The following DNAH17 variants were observed in gnomAD, a reference collection of about 807,000 sequenced individuals.
DNAH17 encodes axonemal beta dynein heavy chain 17.
Under a neutral mutation model 485.6 loss-of-function variants are expected in DNAH17, and 376 were observed. The observed-to-expected ratio is 0.77, with a 90% CI of 0.71 to 0.84. The LOEUF is 0.84. Ranked by LOEUF, DNAH17 falls within the 40% of genes least tolerant of loss-of-function variation. DNAH17 has a pLI of 0.00. For missense variants in DNAH17, 6,370 were observed against 5,839.3 expected (o/e 1.09, Z -2.96); for synonymous variants, 3,031 against 2,405.9 (o/e 1.26, Z -7.60).
chr17:78,561,351 C>T (rs62075928), intron 12 of DNAH17, among the ~76,000 whole-genome samples: 19,059 of 151,848 alleles, frequency 0.13, 1,583 homozygotes, highest in South Asian at 0.26. Context: ...CCCCTGCAGC[C>T]GTCCCTGCGT....
chr17:78,455,807 A>G lies in DNAH17; in HGVS notation c.10007T>C (p.Ile3336Thr), dbSNP rs2087769300. The change falls in exon 63 of 81, where the codon ATC becomes ACC. Residue 3336 changes from isoleucine (I) to threonine (T), a missense_variant. Ile to Thr is a moderately conservative substitution (Grantham distance 89, BLOSUM62 -1). Coordinates refer to ENST00000389840, the MANE Select transcript of DNAH17 (RefSeq NM_173628.4). ...GTTCTCCACAGACTCAGCCCAGCGGATGTTTTCCGATGCTAATCCCCCGAC... is the reference window on the plus strand; with the variant it reads ...GTTCTCCACAGACTCAGCCCAGCGGGTGTTTTCCGATGCTAATCCCCCGAC... ...RLVGGLASEN[I>T]RWAESVENFR... 6.2e-7 allele frequency: 1 copy of G among 1,606,270 alleles called. No homozygotes were observed. Among genetic ancestry groups the G allele is most frequent in the Non-Finnish European group, 8.5e-7 (1 of 1,176,644 alleles).
At chr17:78,535,018 AC>A (rs2091336945) in intron 19 of DNAH17, among the ~76,000 whole-genome samples, 1 of 151,888 alleles carries the variant, frequency 6.6e-6, no homozygotes, top group Non-Finnish European at 1.5e-5. Flanking sequence ...ACCAGGTAAG[AC>A]TCTGCTAGAC....
At chr17:78,521,886 C>G (rs565262281) in intron 25 of DNAH17, among the ~76,000 whole-genome samples, 1 of 152,238 alleles carries the variant, frequency 6.6e-6, no homozygotes, top group East Asian at 1.9e-4. Flanking sequence ...GCTCGGGAGG[C>G]TGAGGCGAGA....
intron 75 of DNAH17, among the ~76,000 whole-genome samples, chr17:78,432,716 A>G (rs1165935411): frequency 1.3e-5 from 2 of 152,180 alleles, no homozygotes; most frequent in East Asian, 3.9e-4. Flanking sequence ...TTAGTGGCCC[A>G]GGTCTTGAGC....
intron 25 of DNAH17, chr17:78,522,891 T>C (rs1035248768): frequency 4.8e-5 from 8 of 165,054 alleles, no homozygotes; most frequent in African/African-American, 1.4e-4. Flanking sequence ...TTCACTCTTA[T>C]AGCCCAGGCT....
At chr17:78,497,484 A>T (rs572752247) in intron 37 of DNAH17, among the ~76,000 whole-genome samples, 2 of 152,250 alleles carry the variant, frequency 1.3e-5, no homozygotes, top group African/African-American at 4.8e-5. Flanking sequence ...TCTCCATTGG[A>T]GCCCGTGAAC....
intron 74 of DNAH17, among the ~76,000 whole-genome samples, chr17:78,437,350 C>A (rs1274018725): frequency 1.3e-5 from 2 of 152,236 alleles, no homozygotes; most frequent in East Asian, 1.9e-4. Context: ...ACACAATGGA[C>A]AGCATCTACC....
At chr17:78,458,854 G>GGCCCCT (rs2087940672) in intron 61 of DNAH17, 147 bp downstream of exon 61, 1 of 1,068,964 alleles carries the variant, frequency 9.4e-7, no homozygotes, top group African/African-American at 1.6e-5. Context: ...GGCACCATCT[G>GGCCCCT]GCCCCTGCCT....
At chr17:78,566,112 G>A (rs549078852) in intron 11 of DNAH17, among the ~76,000 whole-genome samples, 139 of 152,182 alleles carry the variant, frequency 9.1e-4, no homozygotes, top group African/African-American at 3.2e-3. Flanking sequence ...ACCAGACACC[G>A]AGTCTGCTGG....
intron 77 of DNAH17, chr17:78,428,225 A>G (rs650889): frequency 0.16 from 69,401 of 443,898 alleles, 5,874 homozygotes; most frequent in Middle Eastern, 0.21. Flanking sequence ...GCGCTCAGCT[A>G]GGGAAGCTGG....
At chr17:78,551,513 C>A in intron 16 of DNAH17, 22 bp downstream of exon 16, 1 of 1,610,906 alleles carries the variant, frequency 6.2e-7, no homozygotes, top group Non-Finnish European at 8.5e-7. Context: ...AAGCCCCACT[C>A]TGTGCTCTGC....
intron 54 of DNAH17, among the ~76,000 whole-genome samples, chr17:78,470,798 C>T (rs1422041492): frequency 6.6e-6 from 1 of 152,132 alleles, no homozygotes; most frequent in Non-Finnish European, 1.5e-5. Flanking sequence ...TAAAAGAGGC[C>T]CTGAATAAAT....
intron 36 of DNAH17, chr17:78,499,641 C>A (rs1375963406): frequency 6.6e-6 from 1 of 152,344 alleles, no homozygotes; most frequent in Non-Finnish European, 1.5e-5. Flanking sequence ...TTCTAAAATC[C>A]AGGAGGCGGA....
intron 48 of DNAH17, among the ~76,000 whole-genome samples, chr17:78,483,081 T>C (rs8064394): frequency 0.78 from 118,625 of 152,030 alleles, 46,538 homozygotes; most frequent in African/African-American, 0.85. Context: ...CATGCACCTG[T>C]CCTCCTCTCC....
chr17:78,468,519 A>T lies in DNAH17; in HGVS notation c.8778+98T>A, dbSNP rs1227532844. ...AACAGGATTTCACATCCCATGAAGGATCAGTCCTCCTGCTCTATGCAGAGC... is the reference window on the plus strand; with the variant it reads ...AACAGGATTTCACATCCCATGAAGGTTCAGTCCTCCTGCTCTATGCAGAGC... On this transcript the variant is annotated intron_variant, in intron 55 of 80. Transcript: ENST00000389840. 5 of 1,410,308 alleles carry T rather than the reference A, an allele frequency of 3.5e-6. No homozygotes were observed. The Admixed American group carries it at 9.7e-5, about 27-fold the overall frequency. The allele number at this position is 1,410,308 out of a possible 1,614,324, so 87.4% of individuals were successfully genotyped here. A position where few individuals can be genotyped will look rare whatever the true frequency, so the allele number is the denominator to read the frequency against.
At chr17:78,472,731 C>T (rs1305161712) in intron 54 of DNAH17, 1 of 454,894 alleles carries the variant, frequency 2.2e-6, no homozygotes, top group South Asian at 1.6e-5. Flanking sequence ...CAGGCACAGC[C>T]CTCGCTGGCC....
chr17:78,526,791 A>C, intron 23 of DNAH17, 54 bp from the exon 24 acceptor site: 1 of 1,561,504 alleles, frequency 6.4e-7, no homozygotes. Flanking sequence ...ACCTGCCCCA[A>C]GGGTGGCCCC....
chr17:78,507,706 C>G lies in DNAH17; in HGVS notation c.4336G>C (p.Val1446Leu), dbSNP rs1193134269. 6.2e-7 allele frequency: 1 copy of G among 1,609,172 alleles called. No individual in the cohort carries two copies. The highest frequency in any genetic ancestry group is 8.5e-7 in the Non-Finnish European group (1 of 1,179,570). The stretch of plus-strand genomic sequence containing the variant: ...ACCTGGTTGTCCTCCAGCGTCTCCA[C>G]CAGCACCTCGCTGGACTTGAGCATC... ...TMMLKSSEVLVETLEDNQVQL... is the reference protein window; with the variant it reads ...TMMLKSSEVLLETLEDNQVQL... The change falls in exon 28 of 81, where the codon GTG (valine) becomes CTG (leucine). Residue 1446 changes from valine to leucine, a missense_variant. Val to Leu is a conservative substitution (Grantham distance 32). Coordinates refer to ENST00000389840, the MANE Select transcript of DNAH17 (RefSeq NM_173628.4).
chr17:78,519,308 A>G (rs1215390081), intron 25 of DNAH17, among the ~76,000 whole-genome samples: 6 of 152,154 alleles, frequency 3.9e-5, no homozygotes, highest in Non-Finnish European at 8.8e-5. Flanking sequence ...CAGCTAATGT[A>G]GAGAGGGAAA....
Sources: allele counts gnomAD v4.1 joint callset (sites outside exome capture counted in the v4.1 genomes callset), GRCh38; gene constraint gnomAD v4.1.1; transcripts MANE v1.5; gene names NCBI Gene and HGNC (gene_info 2026-07-23, HGNC 2026-07-21).